The following SOX5 variants were observed in gnomAD, a reference collection of about 807,000 sequenced individuals.
The protein encoded by SOX5 is SRY-box transcription factor 5.
Under a neutral mutation model 92.0 loss-of-function variants are expected in SOX5, and 9 were observed. The observed-to-expected ratio is 0.10, with a 90% CI of 0.06 to 0.17. The LOEUF is 0.17. SOX5 is among the 10% of genes least tolerant of loss of function. The pLI, the probability that SOX5 is intolerant of heterozygous loss-of-function variation, is 1.00. For synonymous variants in SOX5, 344 were observed against 336.3 expected (o/e 1.02, Z -0.25); for missense variants, 642 against 944.5 (o/e 0.68, Z 4.20).
At chr12:23,762,448 T>A (rs2094587654) in intron 3 of SOX5, 1 of 404,748 alleles carries the variant, frequency 2.5e-6, no homozygotes, top group Non-Finnish European at 4.4e-6. Context: ...CAACAAACAA[T>A]AGAAACACAC....
intron 1 of SOX5, among the ~76,000 whole-genome samples, chr12:23,913,651 T>C (rs575570474): frequency 8.6e-5 from 13 of 150,476 alleles, no homozygotes; most frequent in African/African-American, 2.7e-4. Context: ...CAGGAGAATC[T>C]CTTGAAACCA....
At chr12:23,677,920 G>C (rs939019435) in intron 6 of SOX5, among the ~76,000 whole-genome samples, 1 of 152,128 alleles carries the variant, frequency 6.6e-6, no homozygotes, top group African/African-American at 2.4e-5. Flanking sequence ...TTAATGACTA[G>C]TTCCATTCCT....
At chr12:24,251,051 G>A (rs1939936762) in intron 3 of SOX5, among the ~76,000 whole-genome samples, 1 of 152,194 alleles carries the variant, frequency 6.6e-6, no homozygotes, top group South Asian at 2.1e-4. Context: ...TCGTGGAGTT[G>A]GCAAATATGT....
At chr12:24,352,619 T>TA (rs1406981968) in intron 2 of SOX5, among the ~76,000 whole-genome samples, 1 of 152,240 alleles carries the variant, frequency 6.6e-6, no homozygotes, top group Non-Finnish European at 1.5e-5. Flanking sequence ...TTGGTTTTTT[T>TA]ATCTAGTCAA....
intron 1 of SOX5, among the ~76,000 whole-genome samples, chr12:24,473,362 GGGA>G (rs974424739): frequency 1.6e-4 from 24 of 152,200 alleles, no homozygotes; most frequent in Admixed American, 1.5e-3. Context: ...GAACAGAGTT[GGGA>G]GGAGATGTGG....
At chr12:23,985,195 G>A (rs1592077463) in intron 4 of SOX5, among the ~76,000 whole-genome samples, 2 of 152,008 alleles carry the variant, frequency 1.3e-5, no homozygotes. Context: ...CTAGATTGGG[G>A]AGATCAAGAT....
chr12:23,726,385 C>T (rs1355099445), intron 6 of SOX5, among the ~76,000 whole-genome samples: 3 of 152,002 alleles, frequency 2.0e-5, no homozygotes, highest in Admixed American at 2.0e-4. Context: ...ATTTATTTTT[C>T]TATTTGTTAA....
intron 4 of SOX5, among the ~76,000 whole-genome samples, chr12:23,748,028 G>A (rs1204171531): frequency 2.0e-5 from 3 of 150,846 alleles, no homozygotes; most frequent in African/African-American, 7.3e-5. Context: ...CAGCTCCTCG[G>A]AGGGCCTTCG....
chr12:23,812,279 G>A (rs2095889214), intron 3 of SOX5, among the ~76,000 whole-genome samples: 1 of 151,948 alleles, frequency 6.6e-6, no homozygotes, highest in South Asian at 2.1e-4. Flanking sequence ...CAAACAAGCT[G>A]CAACAAAGAA....
At chr12:23,978,641 T>C (rs1286058988) in intron 4 of SOX5, among the ~76,000 whole-genome samples, 1 of 152,182 alleles carries the variant, frequency 6.6e-6, no homozygotes, top group Non-Finnish European at 1.5e-5. Context: ...CACAAACCAA[T>C]CTAGAGCCAA....
At chr12:23,833,962 C>A (rs1418070458) in intron 3 of SOX5, among the ~76,000 whole-genome samples, 1 of 151,948 alleles carries the variant, frequency 6.6e-6, no homozygotes, top group Non-Finnish European at 1.5e-5. Flanking sequence ...TTAAGAGAAA[C>A]AAGCACCTCC....
At chr12:24,014,429 T>G (rs2136579741) in intron 4 of SOX5, among the ~76,000 whole-genome samples, 1 of 152,314 alleles carries the variant, frequency 6.6e-6, no homozygotes, top group Non-Finnish European at 1.5e-5. Context: ...CCTCTTTCAG[T>G]TCCTGCTCCA....
At chr12:24,139,591 T>A (rs149313041) in intron 4 of SOX5, among the ~76,000 whole-genome samples, 1 of 152,226 alleles carries the variant, frequency 6.6e-6, no homozygotes, top group African/African-American at 2.4e-5. Flanking sequence ...AATAGTTTTT[T>A]GTTTGTTGGT....
chr12:23,969,010 G>A (rs999878562), intron 4 of SOX5, among the ~76,000 whole-genome samples: 4 of 151,956 alleles, frequency 2.6e-5, no homozygotes, highest in South Asian at 2.1e-4. Context: ...AACTCAACAC[G>A]TCCCCAAATT....
At chr12:23,662,893 G>A (rs371604702) in intron 7 of SOX5, among the ~76,000 whole-genome samples, 1 of 152,130 alleles carries the variant, frequency 6.6e-6, no homozygotes, top group Non-Finnish European at 1.5e-5. Context: ...GCTTAAAATT[G>A]AAGTCAAGAT....
chr12:24,076,981 C>T (rs1942706312), intron 4 of SOX5, among the ~76,000 whole-genome samples: 1 of 152,074 alleles, frequency 6.6e-6, no homozygotes. Flanking sequence ...TATATCGTTT[C>T]CTTCAAGTCA....
chr12:24,169,077 A>C (rs1209177521), intron 4 of SOX5, among the ~76,000 whole-genome samples: 1 of 152,206 alleles, frequency 6.6e-6, no homozygotes, highest in Non-Finnish European at 1.5e-5. Context: ...TTGTAGAAGA[A>C]AGTGAAGTGA....
At chr12:24,199,027 G>A (rs1056720376) in intron 4 of SOX5, among the ~76,000 whole-genome samples, 2 of 152,158 alleles carry the variant, frequency 1.3e-5, no homozygotes, top group African/African-American at 4.8e-5. Context: ...ATCAAGGTCC[G>A]AGAGGCTGGG....
intron 2 of SOX5, among the ~76,000 whole-genome samples, chr12:23,852,626 A>G (rs1568348449): frequency 6.6e-6 from 1 of 152,190 alleles, no homozygotes; most frequent in Admixed American, 6.5e-5. Context: ...TTAATTACTA[A>G]TTAGGAAACT....
Sources: gnomAD v4.1 joint callset for allele counts (sites outside exome capture counted in the v4.1 genomes callset) on GRCh38, gnomAD v4.1.1 for gene constraint, MANE v1.5 for transcripts, NCBI Gene and HGNC (gene_info 2026-07-23, HGNC 2026-07-21) for gene names.